Variants in ZNF608 observed in about 807,000 individuals in gnomAD.
ZNF608 encodes the protein renal carcinoma antigen NY-REN-36.
In ZNF608, 12 loss-of-function variants were observed where a neutral mutation model predicts 109.0. The observed-to-expected ratio is 0.11, with a 90% CI of 0.07 to 0.18. ZNF608 has a LOEUF of 0.18. Ranked by LOEUF, ZNF608 falls within the 10% of genes least tolerant of loss-of-function variation. The pLI, the probability that ZNF608 is intolerant of heterozygous loss-of-function variation, is 1.00. For missense variants in ZNF608, 1,707 were observed against 1,879.3 expected (o/e 0.91, Z 1.70); for synonymous variants, 732 against 717.4 (o/e 1.02, Z -0.33).
chr5:124,718,459 C>T (rs911091199), intron 2 of ZNF608, among the ~76,000 whole-genome samples: 7 of 152,300 alleles, frequency 4.6e-5, no homozygotes, highest in Non-Finnish European at 7.4e-5. Flanking sequence ...TTATAAGCAA[C>T]ACTGATTTAG....
intron 2 of ZNF608, among the ~76,000 whole-genome samples, chr5:124,737,706 T>G (rs1749214234): frequency 6.6e-6 from 1 of 152,222 alleles, no homozygotes; most frequent in Non-Finnish European, 1.5e-5. Flanking sequence ...AAGAAAAATT[T>G]AGCAAATATG....
In ZNF608 at chr5:124,649,639, G is replaced by A. The variant is rs1561536744; in HGVS notation, c.1221C>T (p.Asp407=). 3 of 1,611,310 alleles carry A rather than the reference G, an allele frequency of 1.9e-6. No individual in the cohort carries two copies. The highest frequency in any genetic ancestry group is 2.5e-6 in the Non-Finnish European group (3 of 1,178,132). ...GAGGGGCCCAGTCGTGCTTGGTGCA[G>A]TCCAGTAGGGTTCCCACGTACGTTT... is the stretch of plus-strand genomic sequence containing the variant. ...RNKTYVGTLL[D]CTKHDWAPPR... Residue 407 remains aspartate, a synonymous_variant, in exon 4 of 10, where the codon GAC becomes GAT. Transcript: ENST00000513986.
chr5:124,660,703 T>C (rs887024061), intron 3 of ZNF608, among the ~76,000 whole-genome samples: 10 of 152,152 alleles, frequency 6.6e-5, no homozygotes, highest in Non-Finnish European at 1.5e-4. Flanking sequence ...GGGAGTAATA[T>C]GGATATTAAA....
chr5:124,677,587 A>G (rs1435207902), intron 3 of ZNF608, among the ~76,000 whole-genome samples: 1 of 152,214 alleles, frequency 6.6e-6, no homozygotes, highest in East Asian at 1.9e-4. Flanking sequence ...GTGCAAATCA[A>G]AATTCATAGA....
At chr5:124,726,405 T>C (rs753036611) in intron 2 of ZNF608, among the ~76,000 whole-genome samples, 1 of 152,110 alleles carries the variant, frequency 6.6e-6, no homozygotes, top group Admixed American at 6.5e-5. Context: ...GAGTCACAAC[T>C]CTTGATTCCA....
Position 124,648,622 on chromosome 5 carries a change from C to T in ZNF608, c.1762G>A (p.Glu588Lys), listed in dbSNP as rs148666540. Residue 588 changes from glutamate to lysine, a missense_variant, in exon 5 of 10, where the codon GAG becomes AAG. Transcript: ENST00000513986. ...HLDPENKLEF[E>K]PDSEDKISDC... ...GAGATCTTGTCCTCACTGTCAGGCT[C>T]GAACTCCAGCTTGTTTTCTGGGTCT... 2.9e-5 allele frequency: 47 copies of T among 1,614,212 alleles called. No individual in the cohort carries two copies. Among genetic ancestry groups the T allele is most frequent in the Non-Finnish European group, 3.9e-5 (46 of 1,180,036 alleles).
At chr5:124,671,753 A>C in intron 3 of ZNF608, among the ~76,000 whole-genome samples, 1 of 150,866 alleles carries the variant, frequency 6.6e-6, no homozygotes, top group Non-Finnish European at 1.5e-5. Context: ...CTTCTAGCTC[A>C]GCCTCCCGAG....
intron 3 of ZNF608, among the ~76,000 whole-genome samples, chr5:124,664,736 A>C (rs1580573566): frequency 6.6e-6 from 1 of 152,186 alleles, no homozygotes. Context: ...GCACTTTATA[A>C]GTTTACATAA....
At chr5:124,736,006 A>C (rs1749123731) in intron 2 of ZNF608, among the ~76,000 whole-genome samples, 1 of 152,040 alleles carries the variant, frequency 6.6e-6, no homozygotes, top group East Asian at 1.9e-4. Context: ...AGAAAAGCTA[A>C]AAGGAAGTAG....
intron 7 of ZNF608, among the ~76,000 whole-genome samples, chr5:124,642,758 G>C (rs1264030976): frequency 6.8e-6 from 1 of 147,280 alleles, no homozygotes; most frequent in Non-Finnish European, 1.5e-5. Flanking sequence ...GAGTGCAGTG[G>C]CACAATCTCT....
Position 124,746,605 on chromosome 5 carries a change from C to T in ZNF608, c.-594G>A, listed in dbSNP as rs531518839. Reference sequence around the variant, plus strand: ...CAGAGTCACCGTGATCAGTAATGATCCCATGTAGCAAACCTACAGGCGTCC... The same window carrying T: ...CAGAGTCACCGTGATCAGTAATGATTCCATGTAGCAAACCTACAGGCGTCC... On this transcript the variant is annotated 5_prime_UTR_variant, in exon 1 of 10. Transcript: ENST00000513986. 4 of 985,296 alleles carry T rather than the reference C, an allele frequency of 4.1e-6. No individual in the cohort carries two copies. Among genetic ancestry groups the T allele is most frequent in the East Asian group, 1.1e-4 (1 of 8,806 alleles). 61.0% of individuals were successfully genotyped at this position (985,296 alleles called of 1,614,324 possible). A position where few individuals can be genotyped will look rare whatever the true frequency, so the allele number is the denominator to read the frequency against.
At chr5:124,708,799 C>A (rs1409002211) in intron 2 of ZNF608, 1 of 455,842 alleles carries the variant, frequency 2.2e-6, no homozygotes, top group Non-Finnish European at 4.4e-6. Context: ...GACCAGGGCT[C>A]TGGCCCCAAG....
intron 3 of ZNF608, among the ~76,000 whole-genome samples, chr5:124,684,547 G>C (rs559541999): frequency 6.6e-6 from 1 of 152,146 alleles, no homozygotes; most frequent in African/African-American, 2.4e-5. Context: ...AAATGCATTA[G>C]TTTTCACAGT....
intron 3 of ZNF608, among the ~76,000 whole-genome samples, chr5:124,679,910 A>G (rs1752123833): frequency 6.6e-6 from 1 of 152,204 alleles, no homozygotes; most frequent in South Asian, 2.1e-4. Flanking sequence ...AAGTGCAGAT[A>G]TTAAAGGGCT....
intron 3 of ZNF608, among the ~76,000 whole-genome samples, chr5:124,661,747 C>T (rs955132152): frequency 6.6e-6 from 1 of 152,218 alleles, no homozygotes; most frequent in Admixed American, 6.5e-5. Context: ...TGTGTAAATA[C>T]GTGTGTTTAC....
In ZNF608 at chr5:124,637,028, A is replaced by G. The variant is rs187697207; in HGVS notation, c.*872T>C. 3.3e-5 allele frequency: 5 copies of G among 152,652 alleles called. No individual in the cohort carries two copies. Among genetic ancestry groups the G allele is most frequent in the African/African-American group, 1.2e-4 (5 of 41,546 alleles). 9.5% of individuals were successfully genotyped at this position (152,652 alleles called of 1,614,324 possible). A position where few individuals can be genotyped will look rare whatever the true frequency, so the allele number is the denominator to read the frequency against. ...CATAAAATAAACTAGATTACAGCAT[A>G]AAACAAGTAACCAGGCAATGGCGTT... On this transcript the variant is annotated 3_prime_UTR_variant, in exon 10 of 10. Transcript: ENST00000513986.
chr5:124,730,067 C>G (rs1450451726), intron 2 of ZNF608, among the ~76,000 whole-genome samples: 1 of 152,172 alleles, frequency 6.6e-6, no homozygotes, highest in Non-Finnish European at 1.5e-5. Flanking sequence ...ATTCAAAAAG[C>G]TTTCAGAATT....
At chr5:124,699,339 A>G (rs990685192) in intron 3 of ZNF608, among the ~76,000 whole-genome samples, 2 of 152,240 alleles carry the variant, frequency 1.3e-5, no homozygotes, top group Admixed American at 6.5e-5. Context: ...TGAACAGACA[A>G]GCAAGATGAG....
chr5:124,743,365 C>G (rs1749497115), intron 2 of ZNF608, among the ~76,000 whole-genome samples: 1 of 152,174 alleles, frequency 6.6e-6, no homozygotes, highest in African/African-American at 2.4e-5. Flanking sequence ...TGATAACACT[C>G]TTAAATCTCT....
Sources: allele counts gnomAD v4.1 joint callset (sites outside exome capture counted in the v4.1 genomes callset), GRCh38; gene constraint gnomAD v4.1.1; transcripts MANE v1.5; gene names NCBI Gene and HGNC (gene_info 2026-07-23, HGNC 2026-07-21).